The following CA10 variants were observed in gnomAD, a reference collection of about 807,000 sequenced individuals.
The protein encoded by CA10 is carbonic anhydrase-related protein 10.
In CA10, 14 loss-of-function variants were observed where a neutral mutation model predicts 44.2. The observed-to-expected ratio is 0.32, with a 90% CI of 0.21 to 0.50. CA10 has a LOEUF of 0.50. Ranked by LOEUF, CA10 falls within the 20% of genes least tolerant of loss-of-function variation. CA10 has a pLI of 0.99. For synonymous variants in CA10, 159 were observed against 141.6 expected (o/e 1.12, Z -0.87); for missense variants, 350 against 409.7 (o/e 0.85, Z 1.26).
In CA10 at chr17:51,698,292, G is replaced by A. The variant is rs573617139; in HGVS notation, c.466-44556C>T. On this transcript the variant is annotated intron_variant, in intron 4 of 8. Coordinates refer to ENST00000451037, the MANE Select transcript of CA10 (RefSeq NM_020178.5). Reference sequence around the variant, plus strand: ...CATCTGGACCCTGAAGTGAAGCAGCGTGTGCTCCAAGCCTTTCAAGGTCAC... The same window carrying A: ...CATCTGGACCCTGAAGTGAAGCAGCATGTGCTCCAAGCCTTTCAAGGTCAC... 5.9e-5 allele frequency among the ~76,000 whole-genome samples: 9 copies of A among 152,270 alleles called. No individual in the cohort carries two copies. The East Asian group carries it at 7.7e-4, about 13-fold the overall frequency.
chr17:51,903,925 AG>A (rs1257091127), intron 3 of CA10, among the ~76,000 whole-genome samples: 1 of 152,106 alleles, frequency 6.6e-6, no homozygotes, highest in Non-Finnish European at 1.5e-5. Flanking sequence ...TGGATGTACC[AG>A]GGTTGCCATA....
intron 3 of CA10, among the ~76,000 whole-genome samples, 154 bp downstream of exon 3, chr17:51,930,836 A>T (rs1381373645): frequency 6.6e-6 from 1 of 152,086 alleles, no homozygotes; most frequent in Non-Finnish European, 1.5e-5. Flanking sequence ...CACAATTTAG[A>T]CATATTTCTA....
At chr17:51,759,944 C>T (rs143245659) in intron 3 of CA10, among the ~76,000 whole-genome samples, 2,509 of 152,306 alleles carry the variant, frequency 0.016, 26 homozygotes, top group Non-Finnish European at 0.024. Context: ...TTTCCCTAAA[C>T]TACGAAAATT....
intron 6 of CA10, among the ~76,000 whole-genome samples, chr17:51,639,556 G>A (rs1163653592): frequency 6.6e-6 from 1 of 152,122 alleles, no homozygotes; most frequent in Non-Finnish European, 1.5e-5. Context: ...CATCCACTGA[G>A]GTCCTGCCAG....
intron 1 of CA10, among the ~76,000 whole-genome samples, chr17:52,119,188 C>T (rs1375643657): frequency 6.9e-6 from 1 of 144,530 alleles, no homozygotes; most frequent in Admixed American, 7.0e-5. Flanking sequence ...TTCTCTTTGC[C>T]TGGTTTCTCC....
At chr17:52,031,270 C>T (rs1986458793) in intron 2 of CA10, among the ~76,000 whole-genome samples, 1 of 151,930 alleles carries the variant, frequency 6.6e-6, no homozygotes, top group Admixed American at 6.6e-5. Context: ...ATGCCTCAGC[C>T]TCCCAAGTAG....
intron 3 of CA10, among the ~76,000 whole-genome samples, chr17:51,897,445 C>T (rs1981120130): frequency 6.6e-6 from 1 of 152,084 alleles, no homozygotes; most frequent in African/African-American, 2.4e-5. Context: ...TGTACTTGCA[C>T]CATGCTGTTT....
At chr17:51,862,237 A>AACT (rs1439240824) in intron 3 of CA10, among the ~76,000 whole-genome samples, 2 of 152,342 alleles carry the variant, frequency 1.3e-5, no homozygotes, top group African/African-American at 4.8e-5. Flanking sequence ...AATTTGCTCC[A>AACT]ACTAGTATTA....
At chr17:52,087,932 A>G (rs376420640) in intron 1 of CA10, among the ~76,000 whole-genome samples, 1 of 152,188 alleles carries the variant, frequency 6.6e-6, no homozygotes, top group Non-Finnish European at 1.5e-5. Flanking sequence ...AACTACATAC[A>G]AAAGGATTTT....
rs540636582 is a variant in CA10, at chr17:52,096,060, C to T, written c.62-23667G>A. ...CTAAAAACCAGGCTAGTCCTATTTA[C>T]TTCCCAGGTATTGTGAATATCTCTT... On this transcript the variant is annotated intron_variant, in intron 1 of 8. Transcript: ENST00000451037. Among the ~76,000 whole-genome samples, 44 of 152,282 alleles carry T rather than the reference C, an allele frequency of 2.9e-4. 1 individual carries two copies. The highest frequency in any genetic ancestry group is 7.9e-4 in the African/African-American group (33 of 41,566).
chr17:52,055,630 G>C, intron 2 of CA10, among the ~76,000 whole-genome samples: 1 of 152,000 alleles, frequency 6.6e-6, no homozygotes, highest in East Asian at 1.9e-4. Flanking sequence ...ATATTATTGT[G>C]TGATATATTA....
intron 2 of CA10, among the ~76,000 whole-genome samples, chr17:51,931,895 G>T (rs1982678554): frequency 6.6e-6 from 1 of 152,144 alleles, no homozygotes. Flanking sequence ...AAAGTTTTCA[G>T]GGCAAGGGTG....
chr17:51,900,342 G>A (rs1458610677), intron 3 of CA10, among the ~76,000 whole-genome samples: 3 of 152,178 alleles, frequency 2.0e-5, no homozygotes, highest in African/African-American at 7.2e-5. Context: ...CTTTAAGAAT[G>A]CTGAATATAG....
intron 2 of CA10, among the ~76,000 whole-genome samples, chr17:52,067,944 C>T (rs186189221): frequency 2.0e-5 from 3 of 152,316 alleles, no homozygotes; most frequent in South Asian, 4.1e-4. Flanking sequence ...GCAGAAGGGG[C>T]TGGCCTTGTC....
rs548885994 is a variant in CA10, at chr17:51,679,512, T to C, written c.466-25776A>G. ...TCCTGACCTCGTGATCTGCCCGCCT[T>C]GGCCTCCCAAAGTGCTGGGATTACA... On this transcript the variant is annotated intron_variant, in intron 4 of 8. Coordinates refer to ENST00000451037, the MANE Select transcript of CA10 (RefSeq NM_020178.5). 1.9e-4 allele frequency among the ~76,000 whole-genome samples: 29 copies of C among 151,892 alleles called. 1 individual carries two copies. In the East Asian group the frequency reaches 3.5e-3, roughly 18 times the overall value.
At chr17:51,789,623 C>T (rs1906432010) in intron 3 of CA10, among the ~76,000 whole-genome samples, 1 of 152,160 alleles carries the variant, frequency 6.6e-6, no homozygotes, top group Non-Finnish European at 1.5e-5. Context: ...TTTCTCTGCC[C>T]ACTCTTGCCT....
rs538898603 is a variant in CA10 at position 51,990,506 on chromosome 17, C to G, written c.137-59374G>C. On this transcript the variant is annotated intron_variant, in intron 2 of 8. Transcript: ENST00000451037. ...AGAAGTTTTGCTAATCAGTGAAATG[C>G]CCATAAAGGAAGTAGGAGAGGAGAC... Among the ~76,000 whole-genome samples, 52 of 152,004 alleles carry G rather than the reference C, an allele frequency of 3.4e-4. No homozygotes were observed. In the South Asian group the frequency reaches 5.8e-3, roughly 17 times the overall value.
intron 2 of CA10, among the ~76,000 whole-genome samples, chr17:52,055,388 T>G (rs1435389936): frequency 6.6e-6 from 1 of 150,660 alleles, no homozygotes; most frequent in Non-Finnish European, 1.5e-5. Flanking sequence ...ATATGGAGTT[T>G]CCAAAACTAT....
At chr17:52,120,581 T>C (rs1988994881) in intron 1 of CA10, among the ~76,000 whole-genome samples, 1 of 152,154 alleles carries the variant, frequency 6.6e-6, no homozygotes, top group African/African-American at 2.4e-5. Flanking sequence ...TAAGGAAGTG[T>C]CCCTGGAGAA....
Sources: gnomAD v4.1 joint callset for allele counts (sites outside exome capture counted in the v4.1 genomes callset) on GRCh38, gnomAD v4.1.1 for gene constraint, MANE v1.5 for transcripts, NCBI Gene and HGNC (gene_info 2026-07-23, HGNC 2026-07-21) for gene names.